EXOC4: variants seen among roughly 807,000 people sequenced by gnomAD.
The protein encoded by EXOC4 is exocyst complex component 4.
In EXOC4, 71 loss-of-function variants were observed where a neutral mutation model predicts 107.2. The ratio of observed to expected loss-of-function variants is 0.66; its 90% confidence interval spans 0.55 to 0.81. The LOEUF is 0.81. Ranked by LOEUF, EXOC4 falls within the 30% of genes least tolerant of loss-of-function variation. The pLI, the probability that EXOC4 is intolerant of heterozygous loss-of-function variation, is 0.00. For synonymous variants in EXOC4, 456 were observed against 441.2 expected (o/e 1.03, Z -0.42); for missense variants, 1,108 against 1,189.6 (o/e 0.93, Z 1.01).
intron 5 of EXOC4, among the ~76,000 whole-genome samples, chr7:133,332,889 T>A (rs775176308): frequency 3.9e-5 from 6 of 152,306 alleles, no homozygotes; most frequent in Middle Eastern, 6.8e-3. Context: ...TTTACCCTTC[T>A]GGGTGGGAAG....
intron 10 of EXOC4, among the ~76,000 whole-genome samples, chr7:133,651,971 C>T (rs773176114): frequency 1.8e-4 from 27 of 152,196 alleles, no homozygotes; most frequent in Non-Finnish European, 3.1e-4. Flanking sequence ...TGAGCCACCA[C>T]GCCCTGCCGT....
At chr7:133,382,535 T>A (rs1412730392) in intron 7 of EXOC4, among the ~76,000 whole-genome samples, 1 of 152,194 alleles carries the variant, frequency 6.6e-6, no homozygotes, top group Non-Finnish European at 1.5e-5. Context: ...AGTTTTCATG[T>A]ACTTGTTGGA....
At chr7:134,099,171 G>A in the EXOC4 span, among the ~76,000 whole-genome samples, 6 of 152,146 alleles carry the variant, frequency 3.9e-5, no homozygotes, top group East Asian at 1.2e-3. Flanking sequence ...CTGGAGTAAG[G>A]TGAGCCTCTA....
intron 6 of EXOC4, among the ~76,000 whole-genome samples, chr7:133,364,733 C>T (rs145170683): frequency 2.1e-4 from 32 of 152,254 alleles, no homozygotes; most frequent in African/African-American, 6.3e-4. Context: ...GTAGTATTCA[C>T]GCTTTGCAAA....
chr7:133,327,625 T>G (rs1472081219), intron 5 of EXOC4, among the ~76,000 whole-genome samples: 1 of 152,122 alleles, frequency 6.6e-6, no homozygotes, highest in Non-Finnish European at 1.5e-5. Context: ...CCCAGAGATT[T>G]TGTTGCATTG....
intron 13 of EXOC4, among the ~76,000 whole-genome samples, chr7:133,922,780 C>T (rs182635300): frequency 5.9e-5 from 9 of 151,306 alleles, no homozygotes; most frequent in Admixed American, 1.3e-4. Context: ...ACCCAAGAGG[C>T]GAGGCTTGCA....
chr7:133,658,854 T>C (rs1234220659), intron 10 of EXOC4, among the ~76,000 whole-genome samples: 1 of 152,160 alleles, frequency 6.6e-6, no homozygotes, highest in Non-Finnish European at 1.5e-5. Context: ...GAGAGACTAG[T>C]GTACCTGGAA....
chr7:134,030,464 G>A (rs1321984659), intron 17 of EXOC4, among the ~76,000 whole-genome samples: 3 of 152,158 alleles, frequency 2.0e-5, no homozygotes, highest in East Asian at 1.9e-4. Context: ...CTGGCCAAGC[G>A]ACAGATGGAA....
chr7:133,771,806 G>C (rs957692752), intron 10 of EXOC4, among the ~76,000 whole-genome samples: 15 of 151,924 alleles, frequency 9.9e-5, no homozygotes, highest in African/African-American at 3.6e-4. Flanking sequence ...AAAGTAGTTA[G>C]GGGAGGGTAT....
the EXOC4 span, among the ~76,000 whole-genome samples, chr7:134,085,593 C>G: frequency 1.3e-5 from 2 of 152,184 alleles, no homozygotes; most frequent in Non-Finnish European, 2.9e-5. Flanking sequence ...AGAGCTCCCC[C>G]AAAAGCACAT....
intron 9 of EXOC4, among the ~76,000 whole-genome samples, chr7:133,623,259 TATG>T (rs1419228780): frequency 5.3e-5 from 8 of 152,200 alleles, no homozygotes; most frequent in Non-Finnish European, 1.2e-4. Context: ...TTACTTGTCT[TATG>T]ATGAGAATAA....
chr7:134,021,667 C>A (rs930065099), intron 17 of EXOC4, among the ~76,000 whole-genome samples: 32 of 141,272 alleles, frequency 2.3e-4, no homozygotes, highest in African/African-American at 8.5e-4. Flanking sequence ...TGTTTAAATT[C>A]TTCCAAAGAA....
intron 2 of EXOC4, among the ~76,000 whole-genome samples, chr7:133,280,134 A>T (rs56199107): frequency 0.32 from 48,453 of 151,742 alleles, 9,102 homozygotes; most frequent in African/African-American, 0.53. Context: ...ATTTAAAAAA[A>T]TTTTTTATAG....
intron 11 of EXOC4, among the ~76,000 whole-genome samples, chr7:133,831,806 C>G (rs1344847779): frequency 6.6e-6 from 1 of 152,138 alleles, no homozygotes; most frequent in Non-Finnish European, 1.5e-5. Flanking sequence ...TATACTAACC[C>G]TTGAATATAT....
At chr7:133,889,062 A>G (rs1799148813) in intron 11 of EXOC4, among the ~76,000 whole-genome samples, 2 of 152,202 alleles carry the variant, frequency 1.3e-5, no homozygotes, top group Non-Finnish European at 2.9e-5. Context: ...CACAATACAA[A>G]TGTTAGTTGT....
intron 9 of EXOC4, among the ~76,000 whole-genome samples, chr7:133,521,852 C>T (rs1017305251): frequency 2.6e-5 from 4 of 152,074 alleles, no homozygotes; most frequent in Non-Finnish European, 5.9e-5. Flanking sequence ...ATCTGCTGAC[C>T]TCGTGATCCG....
Position 133,331,712 on chromosome 7 carries a change from G to A in EXOC4, c.763+14322G>A, listed in dbSNP as rs143695808. ...TATCTCCTGACCTTGTGATCCGCCC[G>A]CCTCGGCCTCCCAAAGTGAGGTATT... is the stretch of plus-strand genomic sequence containing the variant. On this transcript the variant is annotated intron_variant, in intron 5 of 17. Transcript: ENST00000253861. 9.7e-3 allele frequency among the ~76,000 whole-genome samples: 1,475 copies of A among 152,120 alleles called. 18 individuals are homozygous for A. Among genetic ancestry groups the A allele is most frequent in the African/African-American group, 0.034 (1,395 of 41,506 alleles).
At chr7:133,933,095 T>G (rs1201609257) in intron 13 of EXOC4, among the ~76,000 whole-genome samples, 4 of 152,192 alleles carry the variant, frequency 2.6e-5, no homozygotes, top group African/African-American at 7.2e-5. Flanking sequence ...AACAGAATTC[T>G]TTAAAGACTA....
intron 10 of EXOC4, among the ~76,000 whole-genome samples, chr7:133,749,958 T>C (rs964783493): frequency 8.7e-6 from 1 of 114,460 alleles, no homozygotes; most frequent in African/African-American, 3.7e-5. Context: ...GTTGGCAGTT[T>C]TTTTTTTTTT....
Sources: allele counts gnomAD v4.1 joint callset (sites outside exome capture counted in the v4.1 genomes callset), GRCh38; gene constraint gnomAD v4.1.1; transcripts MANE v1.5; gene names NCBI Gene and HGNC (gene_info 2026-07-23, HGNC 2026-07-21).